The following FBXW10B variants were observed in gnomAD, a reference collection of about 807,000 sequenced individuals.
FBXW10B encodes the protein F-box and WD repeat domain containing 10B.
the FBXW10B span, chr17:15,574,002 G>A: frequency 1.6e-6 from 1 of 612,554 alleles, no homozygotes; most frequent in East Asian, 2.8e-5. Flanking sequence ...GATTGCTTGT[G>A]TGAAATGCTG....
At chr17:15,614,327 T>C in the FBXW10B span, among the ~76,000 whole-genome samples, 2 of 151,890 alleles carry the variant, frequency 1.3e-5, no homozygotes, top group East Asian at 3.9e-4. Flanking sequence ...TAGCTGGGAC[T>C]ACAGGCGCCC....
chr17:15,603,073 G>A, the FBXW10B span, among the ~76,000 whole-genome samples: 3 of 146,632 alleles, frequency 2.0e-5, no homozygotes, highest in African/African-American at 7.7e-5. Context: ...TAGTAGAGAC[G>A]GGGTTTCTCC....
At chr17:15,566,706 G>A in the FBXW10B span, among the ~76,000 whole-genome samples, 13 of 151,792 alleles carry the variant, frequency 8.6e-5, no homozygotes, top group South Asian at 6.2e-4. Context: ...GACTACAGGC[G>A]TCCGCCACCA....
chr17:15,607,075 TG>T, the FBXW10B span, among the ~76,000 whole-genome samples: 14 of 151,660 alleles, frequency 9.2e-5, no homozygotes, highest in African/African-American at 2.9e-4. Context: ...TTTGCTGGGC[TG>T]GGTTACAGAA....
chr17:15,587,728 T>C, the FBXW10B span, among the ~76,000 whole-genome samples: 1 of 151,942 alleles, frequency 6.6e-6, no homozygotes, highest in Admixed American at 6.6e-5. Context: ...CATAGAAGGG[T>C]ATCATCTCAC....
the FBXW10B span, chr17:15,573,856 T>A: frequency 2.7e-6 from 1 of 376,186 alleles, no homozygotes; most frequent in African/African-American, 2.1e-5. Flanking sequence ...CTATAATTTT[T>A]TTTTGCAAAT....
At chr17:15,595,492 AC>A in the FBXW10B span, among the ~76,000 whole-genome samples, 1 of 152,128 alleles carries the variant, frequency 6.6e-6, no homozygotes, top group African/African-American at 2.4e-5. Context: ...GGCAGACACT[AC>A]CTTCTTGGAG....
At chr17:15,584,718 T>C in the FBXW10B span, among the ~76,000 whole-genome samples, 4 of 152,198 alleles carry the variant, frequency 2.6e-5, no homozygotes, top group Admixed American at 2.0e-4. Context: ...TTCATTTTCG[T>C]TTGCATGGCT....
the FBXW10B span, among the ~76,000 whole-genome samples, chr17:15,582,670 G>A: frequency 6.6e-6 from 1 of 151,406 alleles, no homozygotes; most frequent in East Asian, 2.0e-4. Flanking sequence ...AAGAGTTCAA[G>A]TAACTTGCAA....
At chr17:15,567,987 T>C in the FBXW10B span, among the ~76,000 whole-genome samples, 1 of 152,144 alleles carries the variant, frequency 6.6e-6, no homozygotes, top group Non-Finnish European at 1.5e-5. Context: ...GTTTCCATTA[T>C]GATTAAGTTG....
the FBXW10B span, among the ~76,000 whole-genome samples, chr17:15,618,662 C>G: frequency 6.6e-6 from 1 of 152,102 alleles, no homozygotes; most frequent in Non-Finnish European, 1.5e-5. Flanking sequence ...CAAGCTCAGT[C>G]CAATCCCTAA....
the FBXW10B span, among the ~76,000 whole-genome samples, chr17:15,611,607 C>T: frequency 3.9e-5 from 6 of 152,134 alleles, no homozygotes; most frequent in South Asian, 2.1e-4. Context: ...CCTGCCTGGC[C>T]CCTACAGGTC....
the FBXW10B span, chr17:15,594,604 G>A: frequency 5.5e-6 from 5 of 914,434 alleles, no homozygotes; most frequent in Middle Eastern, 6.9e-4. Context: ...GGTCCCAGGT[G>A]GAAGAGGAGG....
chr17:15,571,950 T>C, the FBXW10B span: 1 of 150,406 alleles, frequency 6.6e-6, no homozygotes, highest in Non-Finnish European at 1.5e-5. Context: ...AGATCAGTGG[T>C]TACTGGGAAA....
chr17:15,593,116 G>A, the FBXW10B span, among the ~76,000 whole-genome samples: 2 of 144,260 alleles, frequency 1.4e-5, no homozygotes, highest in Non-Finnish European at 3.0e-5. Flanking sequence ...AAAAAAAAAA[G>A]TCAAAATGAA....
the FBXW10B span, among the ~76,000 whole-genome samples, chr17:15,591,550 A>G: frequency 6.6e-6 from 1 of 152,286 alleles, no homozygotes; most frequent in Admixed American, 6.5e-5. Flanking sequence ...GGCCTCCCAA[A>G]GTGCTGGAAT....
chr17:15,607,778 T>C, the FBXW10B span: 192 of 1,164,466 alleles, frequency 1.6e-4, no homozygotes, highest in Middle Eastern at 8.1e-4. Context: ...GGCACAGGGC[T>C]CACAGATTCT....
chr17:15,567,986 A>G, the FBXW10B span, among the ~76,000 whole-genome samples: 1 of 152,146 alleles, frequency 6.6e-6, no homozygotes, highest in Non-Finnish European at 1.5e-5. Context: ...TGTTTCCATT[A>G]TGATTAAGTT....
chr17:15,618,912 C>T, the FBXW10B span: 4 of 1,550,016 alleles, frequency 2.6e-6, no homozygotes, highest in Admixed American at 2.0e-5. Flanking sequence ...TCTCTGTCTA[C>T]CTATGTTGTC....
Sources: allele counts gnomAD v4.1 joint callset (sites outside exome capture counted in the v4.1 genomes callset), GRCh38; gene constraint gnomAD v4.1.1; transcripts MANE v1.5; gene names NCBI Gene and HGNC (gene_info 2026-07-23, HGNC 2026-07-21).